Variants in MED20 observed in about 807,000 individuals in gnomAD.
MED20 encodes mediator complex subunit 20.
In MED20, 19 loss-of-function variants were observed where a neutral mutation model predicts 19.7. The observed-to-expected ratio is 0.96, with a 90% CI of 0.67 to 1.42. The LOEUF (loss-of-function observed/expected upper bound fraction) is 1.42, where lower values mean the gene tolerates loss of function less well. Among genes scored for constraint, MED20 ranks in the 40% most tolerant of loss-of-function variants. The pLI is 0.00. For missense variants in MED20, 225 were observed against 273.0 expected, an observed-to-expected ratio of 0.82 and a Z score of 1.24; for synonymous variants, 105 against 104.8, an observed-to-expected ratio of 1.00 and a Z score of -0.01.
At chr6:41,918,654 A>C (rs1258065206) in intron 1 of MED20, among the ~76,000 whole-genome samples, 3 of 151,630 alleles carry the variant, frequency 2.0e-5, no homozygotes, top group Admixed American at 2.0e-4. Context: ...TCTACCAAAA[A>C]TACAAAAAAA....
intron 2 of MED20, among the ~76,000 whole-genome samples, chr6:41,916,363 T>C (rs1406194610): frequency 6.6e-6 from 1 of 152,104 alleles, no homozygotes; most frequent in African/African-American, 2.4e-5. Context: ...GCAGATCACC[T>C]GAGGTCGGGA....
intron 3 of MED20, chr6:41,909,029 A>T (rs1775122408): frequency 1.9e-6 from 1 of 531,092 alleles, no homozygotes; most frequent in Non-Finnish European, 3.3e-6. Context: ...CTAAAAAAAA[A>T]AAAAAATTTA....
chr6:41,916,870 CA>C lies in MED20; in HGVS notation c.83del (p.Leu28TrpfsTer35). 6.2e-7 allele frequency: 1 copy of C among 1,614,070 alleles called. No individual in the cohort carries two copies. The highest frequency in any genetic ancestry group is 8.5e-7 in the Non-Finnish European group (1 of 1,179,994). ...CTTGCTTCTCTGCCCCAAGCATCTC[CA>C]ATTTCCGGGTAAGGAGCTCTACGGT... ...QQTVELLTRK[L>X]EMLGAEKQGT... On this transcript the variant is annotated frameshift_variant, in exon 2 of 4. Coordinates refer to ENST00000265350, the MANE Select transcript of MED20 (RefSeq NM_004275.5). LOFTEE classifies it high-confidence loss of function.
chr6:41,915,107 G>T (rs893929969), intron 2 of MED20, among the ~76,000 whole-genome samples: 2 of 152,198 alleles, frequency 1.3e-5, no homozygotes, highest in Admixed American at 6.5e-5. Flanking sequence ...GAGAAACACT[G>T]CTTTTAGAAA....
rs528405466 is a variant in MED20 at position 41,908,346 on chromosome 6, T to C, written c.423+923A>G. 7.8e-4 allele frequency among the ~76,000 whole-genome samples: 119 copies of C among 152,296 alleles called. 1 individual carries two copies. Among genetic ancestry groups the C allele is most frequent in the African/African-American group, 2.7e-3 (114 of 41,564 alleles). ...GCTGGGCACATTATAGGTTGTGAAC[T>C]TTCCCTGGTCCCAAAGAAGCCAGCC... On this transcript the variant is annotated intron_variant, in intron 3 of 3. Coordinates refer to ENST00000265350, the MANE Select transcript of MED20 (RefSeq NM_004275.5).
intron 2 of MED20, among the ~76,000 whole-genome samples, chr6:41,912,510 C>A (rs1337822496): frequency 6.6e-6 from 1 of 151,876 alleles, no homozygotes; most frequent in Non-Finnish European, 1.5e-5. Flanking sequence ...GTGCCTGCCA[C>A]CATGCCTGGC....
At chr6:41,911,022 G>A (rs1489449433) in intron 2 of MED20, among the ~76,000 whole-genome samples, 1 of 150,168 alleles carries the variant, frequency 6.7e-6, no homozygotes, top group Non-Finnish European at 1.5e-5. Flanking sequence ...GGCAGGAGAA[G>A]CGCTTGAACC....
intron 2 of MED20, among the ~76,000 whole-genome samples, chr6:41,911,490 A>AC (rs1218331482): frequency 1.3e-5 from 2 of 152,130 alleles, no homozygotes; most frequent in African/African-American, 4.8e-5. Flanking sequence ...ACAAAATAAA[A>AC]CAAGTTATTA....
At chr6:41,913,496 C>T (rs748776563) in intron 2 of MED20, among the ~76,000 whole-genome samples, 21 of 152,320 alleles carry the variant, frequency 1.4e-4, no homozygotes, top group Middle Eastern at 3.4e-3. Context: ...GTAATTATCT[C>T]TTGATTCTTA....
Position 41,909,391 on chromosome 6 carries a change from A to G in MED20, c.301T>C (p.Phe101Leu). The G allele has an allele frequency of 2.5e-6, 4 of 1,614,150 alleles. No homozygotes were observed. The highest frequency in any genetic ancestry group is 3.4e-6 in the Non-Finnish European group (4 of 1,180,034). ...FDVLMVKLKG[F>L]FQSAKASKIE... ...TTGCTGGCCTTAGCACTCTGGAAAA[A>G]GCCCTTGAGCTTCACCATAAGCACA... The change falls in exon 3 of 4, where the codon TTT becomes CTT. Residue 101 changes from phenylalanine to leucine, a missense_variant. Phe to Leu is a conservative substitution (Grantham distance 22). Transcript: ENST00000265350.
chr6:41,909,555 G>C lies in MED20; in HGVS notation c.170-33C>G, dbSNP rs375938000. 6.9e-6 allele frequency: 11 copies of C among 1,605,382 alleles called. No individual in the cohort carries two copies. The African/African-American group carries it at 1.2e-4, about 18-fold the overall frequency. On this transcript the variant is annotated intron_variant, in intron 2 of 3. Transcript: ENST00000265350. The stretch of plus-strand genomic sequence containing the variant: ...GGACAGAGATCCTATTCATCATCAA[G>C]ACTTTCACTGGCAAACCCCAGAGTA...
chr6:41,920,481 G>A (rs1474114222), intron 1 of MED20, among the ~76,000 whole-genome samples: 3 of 152,170 alleles, frequency 2.0e-5, no homozygotes, highest in Admixed American at 6.5e-5. Context: ...ACTGCAGGCA[G>A]TACTATGGCC....
At chr6:41,907,769 A>G (rs1194515721) in intron 3 of MED20, among the ~76,000 whole-genome samples, 2 of 152,108 alleles carry the variant, frequency 1.3e-5, no homozygotes, top group Admixed American at 6.6e-5. Context: ...CCTAAGAAAG[A>G]ATTTCCCAAA....
At chr6:41,911,144 AG>A (rs761918991) in intron 2 of MED20, among the ~76,000 whole-genome samples, 2 of 150,800 alleles carry the variant, frequency 1.3e-5, no homozygotes, top group Non-Finnish European at 3.0e-5. Context: ...TGAGAGAGAT[AG>A]GCTAAAAACT....
At chr6:41,920,206 T>C (rs560309328) in intron 1 of MED20, among the ~76,000 whole-genome samples, 3 of 152,216 alleles carry the variant, frequency 2.0e-5, no homozygotes, top group South Asian at 2.1e-4. Flanking sequence ...GAATTAAACA[T>C]AGTGGGAAAC....
At position 41,916,595 on chromosome 6, in the gene MED20, A is replaced by C. The variant is rs376504139; in HGVS notation, c.169+190T>G. Among the ~76,000 whole-genome samples the C allele has an allele frequency of 2.8e-4, 43 of 152,304 alleles. No homozygotes were observed. The South Asian group carries it at 8.9e-3, about 32-fold the overall frequency. ...AGCTCCATCTCAAAAAAATAAAATAAAATAAAATAAAGCTTTCAAAGGCCC... is the reference window on the plus strand; with the variant it reads ...AGCTCCATCTCAAAAAAATAAAATACAATAAAATAAAGCTTTCAAAGGCCC... On this transcript the variant is annotated intron_variant, in intron 2 of 3. Coordinates refer to ENST00000265350, the MANE Select transcript of MED20 (RefSeq NM_004275.5).
chr6:41,912,198 C>T (rs1309004515), intron 2 of MED20, among the ~76,000 whole-genome samples: 1 of 142,922 alleles, frequency 7.0e-6, no homozygotes, highest in Non-Finnish European at 1.5e-5. Flanking sequence ...ACCATGCCCA[C>T]CTTTTTTTTT....
chr6:41,906,786 A>G lies in MED20; in HGVS notation c.*286T>C. 1 of 400,976 alleles carries G rather than the reference A, an allele frequency of 2.5e-6. No homozygotes were observed. The highest frequency in any genetic ancestry group is 4.6e-6 in the Non-Finnish European group (1 of 217,810). The allele number at this position is 400,976 out of a possible 1,614,324, so 24.8% of individuals were successfully genotyped here. On this transcript the variant is annotated 3_prime_UTR_variant, in exon 4 of 4. Transcript: ENST00000265350. ...ACATTCCTGTCCTACCTTTCCCCTAAAGGAGGCAAGGTCCAAACTTCTCCA... is the reference window on the plus strand; with the variant it reads ...ACATTCCTGTCCTACCTTTCCCCTAGAGGAGGCAAGGTCCAAACTTCTCCA...
chr6:41,913,091 CAG>C (rs1423223648), intron 2 of MED20: 1 of 140,760 alleles, frequency 7.1e-6, no homozygotes, highest in East Asian at 2.0e-4. Context: ...GCCTGGGTGA[CAG>C]AGAGACCCTG....
Sources: gnomAD v4.1 joint callset for allele counts (sites outside exome capture counted in the v4.1 genomes callset) on GRCh38, gnomAD v4.1.1 for gene constraint, MANE v1.5 for transcripts, NCBI Gene and HGNC (gene_info 2026-07-23, HGNC 2026-07-21) for gene names.